SLC25A13: variants seen among roughly 807,000 people sequenced by gnomAD.
The protein encoded by SLC25A13 is solute carrier family 25 member 13.
SLC25A13 carries 70 observed loss-of-function variants against 85.5 expected under a neutral mutation model. That is an observed-to-expected ratio of 0.82 (90% CI 0.68 to 1.00). The LOEUF is 1.00. SLC25A13 is among the 50% of genes least tolerant of loss of function. The pLI is 0.00. For missense variants in SLC25A13, 765 were observed against 819.8 expected, an observed-to-expected ratio of 0.93 and a Z score of 0.82; for synonymous variants, 259 against 288.7, an observed-to-expected ratio of 0.90 and a Z score of 1.04.
intron 3 of SLC25A13, among the ~76,000 whole-genome samples, chr7:96,244,140 G>C (rs1797094794): frequency 6.6e-6 from 1 of 152,104 alleles, no homozygotes; most frequent in Non-Finnish European, 1.5e-5. Context: ...GGGGTCTGGG[G>C]GGGTCCTGTC....
chr7:96,316,595 C>T (rs1859277), intron 1 of SLC25A13, among the ~76,000 whole-genome samples: 100,556 of 152,118 alleles, frequency 0.66, 33,530 homozygotes, highest in Non-Finnish European at 0.67. Flanking sequence ...TAGCACTTAC[C>T]TGTTGCACAA....
At chr7:96,153,220 T>C (rs1793117829) in intron 13 of SLC25A13, among the ~76,000 whole-genome samples, 2 of 152,222 alleles carry the variant, frequency 1.3e-5, no homozygotes, top group African/African-American at 4.8e-5. Flanking sequence ...TTACTATTTA[T>C]GCTTTGGAGA....
At chr7:96,302,806 A>G (rs1236461158) in intron 1 of SLC25A13, among the ~76,000 whole-genome samples, 3 of 152,200 alleles carry the variant, frequency 2.0e-5, no homozygotes, top group African/African-American at 7.2e-5. Context: ...TTAAAAATAC[A>G]AATTATCACA....
chr7:96,256,734 AGAACT>A (rs1313277443), intron 3 of SLC25A13, among the ~76,000 whole-genome samples: 5 of 152,224 alleles, frequency 3.3e-5, no homozygotes, highest in African/African-American at 1.2e-4. Flanking sequence ...AGACAGCTAT[AGAACT>A]CTCCACCCCA....
intron 5 of SLC25A13, among the ~76,000 whole-genome samples, chr7:96,194,271 C>A (rs1261995377): frequency 4.0e-5 from 5 of 123,976 alleles, no homozygotes; most frequent in African/African-American, 6.0e-5. Context: ...CCCATCTCTA[C>A]AAAAAAAAAA....
intron 3 of SLC25A13, among the ~76,000 whole-genome samples, chr7:96,274,546 C>A (rs1798370751): frequency 1.3e-5 from 2 of 152,128 alleles, no homozygotes; most frequent in South Asian, 4.1e-4. Flanking sequence ...GCTTTTGTTG[C>A]CATTGCTTTT....
At chr7:96,154,764 C>A (rs1025835767) in intron 13 of SLC25A13, among the ~76,000 whole-genome samples, 1 of 150,230 alleles carries the variant, frequency 6.7e-6, no homozygotes, top group African/African-American at 2.5e-5. Flanking sequence ...AAGAGGATGA[C>A]GAGTAGGCTG....
intron 1 of SLC25A13, among the ~76,000 whole-genome samples, chr7:96,300,739 T>C (rs1466261638): frequency 6.6e-6 from 1 of 152,226 alleles, no homozygotes; most frequent in Non-Finnish European, 1.5e-5. Context: ...AAGATTTCTC[T>C]GAGGCCCACT....
intron 14 of SLC25A13, among the ~76,000 whole-genome samples, chr7:96,135,047 T>C (rs982559022): frequency 6.6e-6 from 1 of 152,032 alleles, no homozygotes; most frequent in Non-Finnish European, 1.5e-5. Context: ...CCCCTAGCCA[T>C]GTGATGAGCA....
chr7:96,210,790 T>C (rs1795661330), intron 4 of SLC25A13, among the ~76,000 whole-genome samples: 1 of 152,122 alleles, frequency 6.6e-6, no homozygotes, highest in South Asian at 2.1e-4. Context: ...AAATTCACAC[T>C]GTAAATAAAA....
At chr7:96,155,115 C>A (rs957899978) in intron 13 of SLC25A13, among the ~76,000 whole-genome samples, 14 of 152,074 alleles carry the variant, frequency 9.2e-5, no homozygotes, top group African/African-American at 3.4e-4. Context: ...TCTACCAATT[C>A]TTGCTTCCCA....
chr7:96,290,683 G>A (rs1799085232), intron 2 of SLC25A13, among the ~76,000 whole-genome samples: 1 of 151,770 alleles, frequency 6.6e-6, no homozygotes, highest in Admixed American at 6.6e-5. Flanking sequence ...AGACAAAGAA[G>A]GCCATTACAT....
At chr7:96,319,245 C>T (rs1186055399) in intron 1 of SLC25A13, among the ~76,000 whole-genome samples, 1 of 152,178 alleles carries the variant, frequency 6.6e-6, no homozygotes, top group Non-Finnish European at 1.5e-5. Flanking sequence ...CGTTCACTCA[C>T]AGCATATAAA....
intron 13 of SLC25A13, among the ~76,000 whole-genome samples, chr7:96,161,397 C>G (rs764541036): frequency 2.6e-5 from 4 of 152,186 alleles, no homozygotes; most frequent in African/African-American, 4.8e-5. Context: ...GGCCATCAGT[C>G]TCTAAATGAA....
chr7:96,320,315 T>A (rs1198993847), intron 1 of SLC25A13, among the ~76,000 whole-genome samples: 1 of 152,208 alleles, frequency 6.6e-6, no homozygotes, highest in Non-Finnish European at 1.5e-5. Flanking sequence ...TCACTTATTT[T>A]ACTTAATATT....
At chr7:96,284,661 A>T (rs1222761919) in intron 2 of SLC25A13, among the ~76,000 whole-genome samples, 1 of 152,206 alleles carries the variant, frequency 6.6e-6, no homozygotes, top group Non-Finnish European at 1.5e-5. Flanking sequence ...GGCCAGGTGG[A>T]GATAACTGAA....
chr7:96,261,690 A>G (rs901995843), intron 3 of SLC25A13, among the ~76,000 whole-genome samples: 2 of 152,226 alleles, frequency 1.3e-5, no homozygotes, highest in African/African-American at 2.4e-5. Flanking sequence ...GTTGGGTACT[A>G]TATCTCCTAA....
At chr7:96,301,456 T>A (rs1015729644) in intron 1 of SLC25A13, among the ~76,000 whole-genome samples, 3 of 152,206 alleles carry the variant, frequency 2.0e-5, no homozygotes, top group Non-Finnish European at 4.4e-5. Context: ...ATATCAAGAA[T>A]TTTAAATCAA....
chr7:96,181,991 T>C (rs1043173612), intron 11 of SLC25A13, among the ~76,000 whole-genome samples: 10 of 152,226 alleles, frequency 6.6e-5, no homozygotes, highest in East Asian at 1.9e-4. Flanking sequence ...CTCAGAAATA[T>C]GTCAGGTCTT....
Sources: allele counts gnomAD v4.1 joint callset (sites outside exome capture counted in the v4.1 genomes callset), GRCh38; gene constraint gnomAD v4.1.1; transcripts MANE v1.5; gene names NCBI Gene and HGNC (gene_info 2026-07-23, HGNC 2026-07-21).